Variants in CD82 observed in about 807,000 individuals in gnomAD.
CD82 encodes the protein CD82 molecule, also known as CD82 antigen.
A neutral mutation model predicts 37.4 loss-of-function variants in CD82; 36 were observed. The ratio of observed to expected loss-of-function variants is 0.96; its 90% CI spans 0.74 to 1.27. The LOEUF is 1.27. CD82 is among the 50% of genes most tolerant of loss of function. The pLI is 0.00. For missense variants in CD82, 340 were observed against 347.0 expected (o/e 0.98, Z 0.16); for synonymous variants, 158 against 137.4 (o/e 1.15, Z -1.05).
chr11:44,581,108 C>T (rs1852972901), intron 1 of CD82, among the ~76,000 whole-genome samples: 1 of 152,202 alleles, frequency 6.6e-6, no homozygotes, highest in African/African-American at 2.4e-5. Context: ...CCCAGAGTGT[C>T]TTCAGTTGGT....
At chr11:44,602,763 G>T (rs555646057) in intron 4 of CD82, among the ~76,000 whole-genome samples, 119 of 152,236 alleles carry the variant, frequency 7.8e-4, no homozygotes, top group Non-Finnish European at 1.5e-3. Context: ...CAGATATGGG[G>T]TAGGCCTGGG....
rs1263400793 is a variant in CD82 at position 44,587,510 on chromosome 11, A to G, written c.-67A>G. On this transcript the variant is annotated 5_prime_UTR_variant, in exon 2 of 10. Coordinates refer to ENST00000227155, the MANE Select transcript of CD82 (RefSeq NM_002231.4). Reference sequence around the variant, plus strand: ...GCTGCTGTGTGGACGACACGTGGGCACAGGCAGAAGTGGGCCCTGTGACCA... The same window carrying G: ...GCTGCTGTGTGGACGACACGTGGGCGCAGGCAGAAGTGGGCCCTGTGACCA... 4.4e-6 allele frequency: 2 copies of G among 456,356 alleles called. No individual in the cohort carries two copies. Among genetic ancestry groups the G allele is most frequent in the South Asian group, 3.1e-5 (2 of 64,572 alleles). 28.3% of individuals were successfully genotyped at this position (456,356 alleles called of 1,614,324 possible). A position where few individuals can be genotyped will look rare whatever the true frequency, so the allele number is the denominator to read the frequency against.
intron 6 of CD82, among the ~76,000 whole-genome samples, chr11:44,605,935 G>A (rs1281867629): frequency 6.6e-6 from 1 of 152,228 alleles, no homozygotes; most frequent in Non-Finnish European, 1.5e-5. Context: ...TCTTGTGTCC[G>A]AGGGGAGATG....
intron 3 of CD82, 52 bp from the exon 4 acceptor site, chr11:44,600,106 G>C: frequency 1.9e-6 from 3 of 1,583,406 alleles, no homozygotes; most frequent in Non-Finnish European, 2.6e-6. Context: ...AGCTGGCAGG[G>C]GGAGGGCTAT....
chr11:44,586,165 C>A (rs2134640355), intron 1 of CD82, among the ~76,000 whole-genome samples: 1 of 152,304 alleles, frequency 6.6e-6, no homozygotes, highest in East Asian at 1.9e-4. Flanking sequence ...CCAGGCTGCA[C>A]CCCAGAACAA....
At position 44,597,064 on chromosome 11, in the gene CD82, G is replaced by T; in HGVS notation, c.63+2339G>T. The stretch of plus-strand genomic sequence containing the variant: ...GTGGAGGCAGAGTGCACCTCCCCAG[G>T]CATAGACCCGGCCAGCCTGCCTCTT... On this transcript the variant is annotated intron_variant, in intron 3 of 9. Coordinates refer to ENST00000227155, the MANE Select transcript of CD82 (RefSeq NM_002231.4). This position sits in a 1 kb window ranked among gnomAD's most constrained non-coding sequence, Gnocchi z 4.1. 2.2e-6 allele frequency: 1 copy of T among 454,744 alleles called. No homozygotes were observed. Among genetic ancestry groups the T allele is most frequent in the Non-Finnish European group, 4.4e-6 (1 of 226,660 alleles). The allele number at this position is 454,744 out of a possible 1,614,324, so 28.2% of individuals were successfully genotyped here. A position where few individuals can be genotyped will look rare whatever the true frequency, so the allele number is the denominator to read the frequency against.
At chr11:44,598,005 G>A (rs1452982553) in intron 3 of CD82, among the ~76,000 whole-genome samples, 1 of 152,182 alleles carries the variant, frequency 6.6e-6, no homozygotes, top group Non-Finnish European at 1.5e-5. Context: ...GAAGGCCCAG[G>A]ATGGATCCAA....
Position 44,597,015 on chromosome 11 carries a change from G to T in CD82, c.63+2290G>T, listed in dbSNP as rs998609730. 9 of 455,978 alleles carry T rather than the reference G, an allele frequency of 2.0e-5. No homozygotes were observed. The highest frequency in any genetic ancestry group is 1.6e-4 in the African/African-American group (8 of 50,050). 28.2% of individuals were successfully genotyped at this position (455,978 alleles called of 1,614,324 possible). Reference sequence around the variant, plus strand: ...GTTCTGGGTGTGGCTTTGGAGAGGGGGATCCTGGCAGCAGGGGCAGCCGGT... The same window carrying T: ...GTTCTGGGTGTGGCTTTGGAGAGGGTGATCCTGGCAGCAGGGGCAGCCGGT... On this transcript the variant is annotated intron_variant, in intron 3 of 9. Transcript: ENST00000227155. The surrounding 1 kb of genome is among the most constrained non-coding windows in gnomAD (Gnocchi z 4.1).
At chr11:44,617,048 C>G (rs1565096312) in intron 7 of CD82, among the ~76,000 whole-genome samples, 2 of 152,100 alleles carry the variant, frequency 1.3e-5, no homozygotes. Flanking sequence ...CCTGGCACGC[C>G]CCCTGCTGGC....
intron 1 of CD82, among the ~76,000 whole-genome samples, chr11:44,584,917 G>T (rs551988809): frequency 6.6e-6 from 1 of 152,340 alleles, no homozygotes; most frequent in Non-Finnish European, 1.5e-5. Flanking sequence ...TGCAGGTGGA[G>T]TGCCTGCAGA....
intron 6 of CD82, chr11:44,606,185 C>A (rs1413183956): frequency 6.6e-6 from 1 of 152,308 alleles, no homozygotes; most frequent in Non-Finnish European, 1.5e-5. Flanking sequence ...GTGGGCAGTG[C>A]CAGACATGGC....
chr11:44,599,934 G>C (rs958870704), intron 3 of CD82, among the ~76,000 whole-genome samples: 1 of 152,166 alleles, frequency 6.6e-6, no homozygotes, highest in Non-Finnish European at 1.5e-5. Context: ...GTGGAGGGGG[G>C]CAAGATGGGA....
rs1853550605 is a variant in CD82 at position 44,615,459 on chromosome 11, C to T, written c.438+86C>T. On this transcript the variant is annotated intron_variant, in intron 7 of 9. Coordinates refer to ENST00000227155, the MANE Select transcript of CD82 (RefSeq NM_002231.4). Reference sequence around the variant, plus strand: ...TGTGCACCCACATGTCTGGGACTGGCATCTGCAGTGCTCGTGTGTGCCTGA... The same window carrying T: ...TGTGCACCCACATGTCTGGGACTGGTATCTGCAGTGCTCGTGTGTGCCTGA... 1.6e-5 allele frequency: 13 copies of T among 814,352 alleles called. No individual in the cohort carries two copies. In the South Asian group the frequency reaches 1.9e-4, roughly 12 times the overall value. The allele number at this position is 814,352 out of a possible 1,614,324, so 50.4% of individuals were successfully genotyped here.
At position 44,569,323 on chromosome 11, in the gene CD82, G is replaced by A. The variant is rs116711542; in HGVS notation, c.-103+3587G>A. Among the ~76,000 whole-genome samples the A allele has an allele frequency of 7.5e-3, 1,141 of 152,274 alleles. 13 individuals are homozygous for A. Among genetic ancestry groups the A allele is most frequent in the African/African-American group, 0.026 (1,066 of 41,526 alleles). The stretch of plus-strand genomic sequence containing the variant: ...GCTGGTGTCTCTCGGAGGCTGGCTG[G>A]TTCCTGACTCACCCCCGGGCTTCCC... On this transcript the variant is annotated intron_variant, in intron 1 of 9. Coordinates refer to ENST00000227155, the MANE Select transcript of CD82 (RefSeq NM_002231.4).
At chr11:44,574,065 CT>C (rs1483410136) in intron 1 of CD82, among the ~76,000 whole-genome samples, 6 of 152,108 alleles carry the variant, frequency 3.9e-5, no homozygotes, top group African/African-American at 1.4e-4. Context: ...AGTGAGGGAG[CT>C]TTCCGGGGTT....
At chr11:44,576,738 C>A (rs1458669576) in intron 1 of CD82, among the ~76,000 whole-genome samples, 1 of 152,238 alleles carries the variant, frequency 6.6e-6, no homozygotes, top group African/African-American at 2.4e-5. Flanking sequence ...TGCTTTACAG[C>A]TCTTGGCAGT....
chr11:44,587,188 C>A, intron 1 of CD82: 1 of 343,116 alleles, frequency 2.9e-6, no homozygotes, highest in Non-Finnish European at 5.8e-6. Flanking sequence ...GGGATGTCAG[C>A]CTTCTGAGCC....
At position 44,618,361 on chromosome 11, in the gene CD82, A is replaced by G. The variant is rs1451539938; in HGVS notation, c.638A>G (p.Gln213Arg). The change falls in exon 8 of 10, where the codon CAG becomes CGG. Residue 213 changes from glutamine (Q) to arginine (R), a missense_variant. Physicochemically the swap from Gln to Arg is conservative, Grantham distance 43. Transcript: ENST00000227155. ...GNHPEDWPVY[Q>R]EGCMEKVQAW... ...CACCCTGAGGACTGGCCTGTGTACC[A>G]GGAGGTGTGCGGGGGGCTGCGGATC... is the stretch of plus-strand genomic sequence containing the variant. 21 of 1,612,614 alleles carry G rather than the reference A, an allele frequency of 1.3e-5. No homozygotes were observed. The highest frequency in any genetic ancestry group is 1.8e-5 in the Non-Finnish European group (21 of 1,179,826).
At chr11:44,612,902 G>T (rs1853506337) in intron 6 of CD82, among the ~76,000 whole-genome samples, 1 of 152,084 alleles carries the variant, frequency 6.6e-6, no homozygotes, top group Admixed American at 6.5e-5. Flanking sequence ...CTCCCAAAGT[G>T]CTGGAATTAC....
Sources: gnomAD v4.1 joint callset for allele counts (sites outside exome capture counted in the v4.1 genomes callset) on GRCh38, gnomAD v4.1.1 for gene constraint, Gnocchi (gnomAD v3.1) non-coding constraint, MANE v1.5 for transcripts, NCBI Gene and HGNC (gene_info 2026-07-23, HGNC 2026-07-21) for gene names.